Variants in DBP observed in about 807,000 individuals in gnomAD.
DBP encodes D site-binding protein.
A neutral mutation model predicts 21.4 loss-of-function variants in DBP; 12 were observed. The observed-to-expected ratio is 0.56, with a 90% CI of 0.36 to 0.91. The LOEUF (loss-of-function observed/expected upper bound fraction) is 0.91, where lower values mean the gene tolerates loss of function less well. Ranked by LOEUF, DBP falls within the 40% of genes least tolerant of loss-of-function variation. The probability of loss-of-function intolerance (pLI) is 0.01; values close to 1 mark genes in which losing one functional copy is unlikely to be tolerated. For synonymous variants in DBP, 213 were observed against 224.9 expected (o/e 0.95, Z 0.47); for missense variants, 423 against 473.4 (o/e 0.89, Z 0.99).
chr19:48,634,535 C>CCT (rs2030710148), intron 2 of DBP: 1 of 263,340 alleles, frequency 3.8e-6, no homozygotes, highest in Admixed American at 6.5e-5. Context: ...CCGGGGCCAG[C>CCT]TAAGGACACA....
At position 48,630,386 on chromosome 19, in the gene DBP, C is replaced by T; in HGVS notation, c.*451G>A. 1 of 1,377,304 alleles carries T rather than the reference C, an allele frequency of 7.3e-7. No homozygotes were observed. The highest frequency in any genetic ancestry group is 9.4e-7 in the Non-Finnish European group (1 of 1,067,054). The allele number at this position is 1,377,304 out of a possible 1,614,324, so 85.3% of individuals were successfully genotyped here. On this transcript the variant is annotated 3_prime_UTR_variant, in exon 4 of 4. Transcript: ENST00000222122. The surrounding 1 kb of genome is among the most constrained non-coding windows in gnomAD (Gnocchi z 4.9). Reference sequence around the variant, plus strand: ...ATTGAAAAGGTCTATGCAATAAAGGCAGTCGCTTCATTCCTCTCAGACCTT... The same window carrying T: ...ATTGAAAAGGTCTATGCAATAAAGGTAGTCGCTTCATTCCTCTCAGACCTT...
chr19:48,634,087 C>G (rs2030694874), intron 2 of DBP: 1 of 177,310 alleles, frequency 5.6e-6, no homozygotes, highest in African/African-American at 2.4e-5. Context: ...GCCCGGACAA[C>G]AGAGCGAGAC....
chr19:48,634,643 C>A, intron 2 of DBP: 2 of 973,906 alleles, frequency 2.1e-6, no homozygotes, highest in Non-Finnish European at 2.4e-6. Flanking sequence ...CGGCCCCGCC[C>A]CCCTCGCGCT....
rs1446301517 is a variant in DBP, at chr19:48,635,847, G to C, written c.283C>G (p.Pro95Ala). Reference sequence around the variant, plus strand: ...AGTGGCGCCAACAGACCCGGGGCGGGCACCGGCCCCGGGCGCCCCCGCGGG... The same window carrying C: ...AGTGGCGCCAACAGACCCGGGGCGGCCACCGGCCCCGGGCGCCCCCGCGGG... Reference protein sequence around the residue: ...GSPRGRPGPVPAPGLLAPLLW... With the variant: ...GSPRGRPGPVAAPGLLAPLLW... The change falls in exon 2 of 4, where the codon CCC (proline) becomes GCC (alanine). Residue 95 changes from proline (P) to alanine (A), a missense_variant. Physicochemically the swap from Pro to Ala is conservative, Grantham distance 27 (BLOSUM62 -1). This residue lies in a region of DBP where 283 missense variants were observed against 273.7 expected (regional missense o/e 1.03). Transcript: ENST00000222122. 5.7e-6 allele frequency: 8 copies of C among 1,401,780 alleles called. No individual in the cohort carries two copies. Among genetic ancestry groups the C allele is most frequent in the Non-Finnish European group, 7.3e-6 (8 of 1,089,596 alleles). 86.8% of individuals were successfully genotyped at this position (1,401,780 alleles called of 1,614,324 possible).
At position 48,633,543 on chromosome 19, in the gene DBP, C is replaced by T. The variant is rs778092463; in HGVS notation, c.663G>A (p.Glu221=). 7.4e-6 allele frequency: 12 copies of T among 1,614,188 alleles called. No homozygotes were observed. The highest frequency in any genetic ancestry group is 1.0e-5 in the Non-Finnish European group (12 of 1,180,038). The change falls in exon 3 of 4, where the codon GAG becomes GAA. Residue 221 remains glutamate (E), a synonymous_variant. Coordinates refer to ENST00000222122, the MANE Select transcript of DBP (RefSeq NM_001352.5). ...DLALSSIPGH[E]TFDPRRHRFS... ...AGCGATGTCTTCGAGGGTCAAAGGT[C>T]TCGTGGCCAGGAATGCTTGATAGGG...
In DBP at chr19:48,635,910, C is replaced by T; in HGVS notation, c.220G>A (p.Ala74Thr). Residue 74 changes from alanine to threonine, a missense_variant, in exon 2 of 4, where the codon GCG (alanine) becomes ACG (threonine). Physicochemically the swap from Ala to Thr is moderately conservative, Grantham distance 58. This residue lies in a region of DBP where 283 missense variants were observed against 273.7 expected (regional missense o/e 1.03). Transcript: ENST00000222122. Reference protein sequence around the residue: ...PGPGLETAGPADAPAGAVVGG... With the variant: ...PGPGLETAGPTDAPAGAVVGG... ...ACCACTGCCCCAGCCGGGGCATCCG[C>T]CGGGCCCGCAGTCTCCAGGCCTGGC... 1 of 1,430,440 alleles carries T rather than the reference C, an allele frequency of 7.0e-7. No individual in the cohort carries two copies. Among genetic ancestry groups the T allele is most frequent in the Non-Finnish European group, 9.1e-7 (1 of 1,102,364 alleles). The allele number at this position is 1,430,440 out of a possible 1,614,324, so 88.6% of individuals were successfully genotyped here.
chr19:48,635,371 C>T lies in DBP; in HGVS notation c.550+209G>A. On this transcript the variant is annotated intron_variant, in intron 2 of 3. Coordinates refer to ENST00000222122, the MANE Select transcript of DBP (RefSeq NM_001352.5). ...GGCAGGCTTCCTGGAATTTAGGGTTCCAAGTCTCTCCTCCCCCATGGATCC... is the reference window on the plus strand; with the variant it reads ...GGCAGGCTTCCTGGAATTTAGGGTTTCAAGTCTCTCCTCCCCCATGGATCC... 4.3e-6 allele frequency: 6 copies of T among 1,387,066 alleles called. No homozygotes were observed. In the African/African-American group the frequency reaches 4.6e-5, roughly 11 times the overall value. The allele number at this position is 1,387,066 out of a possible 1,614,324, so 85.9% of individuals were successfully genotyped here.
Position 48,635,575 on chromosome 19 carries a change from C to CGCACCTGCGCGGTG in DBP, c.541_550+4dup. The CGCACCTGCGCGGTG allele has an allele frequency of 7.3e-7, 1 of 1,376,192 alleles. No homozygotes were observed. Among genetic ancestry groups the CGCACCTGCGCGGTG allele is most frequent in the Non-Finnish European group, 9.3e-7 (1 of 1,074,200 alleles). 85.2% of individuals were successfully genotyped at this position (1,376,192 alleles called of 1,614,324 possible). A position where few individuals can be genotyped will look rare whatever the true frequency, so the allele number is the denominator to read the frequency against. On this transcript the variant is annotated splice_donor_region_variant and intron_variant, in intron 2 of 3. Transcript: ENST00000222122. The stretch of plus-strand genomic sequence containing the variant: ...TCAGGACCCGCCCCGCCCCCTTCGC[C>CGCACCTGCGCGGTG]GCACCTGCGCGGTGGCCGCTGGCGG...
chr19:48,635,917 CG>C lies in DBP; in HGVS notation c.212del (p.Ala71GlyfsTer47). The C allele has an allele frequency of 6.9e-7, 1 of 1,445,704 alleles. No individual in the cohort carries two copies. The allele number at this position is 1,445,704 out of a possible 1,614,324, so 89.6% of individuals were successfully genotyped here. ...ATTPGPGLET[A>X]GPADAPAGAV... is the part of the protein sequence containing the mutation. ...CCCCAGCCGGGGCATCCGCCGGGCCCGCAGTCTCCAGGCCTGGCCCAGGGGT... is the reference window on the plus strand; with the variant it reads ...CCCCAGCCGGGGCATCCGCCGGGCCCCAGTCTCCAGGCCTGGCCCAGGGGT... On this transcript the variant is annotated frameshift_variant, in exon 2 of 4. Transcript: ENST00000222122. LOFTEE classifies it high-confidence loss of function.
At chr19:48,631,416 T>C (rs145917508) in intron 3 of DBP, 18 of 205,712 alleles carry the variant, frequency 8.8e-5, no homozygotes, top group African/African-American at 3.0e-4. Context: ...AGCACTGCCC[T>C]GCCCTGCACA....
At chr19:48,635,368 G>A (rs2030742546) in intron 2 of DBP, 2 of 1,381,848 alleles carry the variant, frequency 1.4e-6, no homozygotes, top group East Asian at 3.6e-5. Flanking sequence ...GGAATTTAGG[G>A]TTCCAAGTCT....
In DBP at chr19:48,635,623, G is replaced by A. The variant is rs1162806225; in HGVS notation, c.507C>T (p.Ala169=). 1.5e-6 allele frequency: 2 copies of A among 1,342,354 alleles called. No homozygotes were observed. Among genetic ancestry groups the A allele is most frequent in the Non-Finnish European group, 9.5e-7 (1 of 1,056,380 alleles). 83.2% of individuals were successfully genotyped at this position (1,342,354 alleles called of 1,614,324 possible). Residue 169 remains alanine, a synonymous_variant, in exon 2 of 4, where the codon GCC becomes GCT. Coordinates refer to ENST00000222122, the MANE Select transcript of DBP (RefSeq NM_001352.5). ...CGGTCCCGAGGGCAGCCCGGGCGGGGGCGTGCCCAGGAGAGGAGCGGGGGG... is the reference window on the plus strand; with the variant it reads ...CGGTCCCGAGGGCAGCCCGGGCGGGAGCGTGCCCAGGAGAGGAGCGGGGGG... The part of the protein sequence containing the change: ...SASPRSSPGH[A]PARAALGTAS...
intron 2 of DBP, chr19:48,635,312 C>G: frequency 7.9e-7 from 1 of 1,271,166 alleles, no homozygotes; most frequent in South Asian, 1.6e-5. Context: ...CGTTTGTCCC[C>G]AAGTCCCACA....
chr19:48,630,933 G>A lies in DBP; in HGVS notation c.882C>T (p.Asn294=). ...CCACAACTTCCTGCCGCAGCAGGGC[G>A]TTCTCCTTCTCCAGGAAGGCCGCCC... ...SVRAAFLEKE[N]ALLRQEVVAV... is the part of the protein sequence containing the mutation. Residue 294 remains asparagine, a synonymous_variant, in exon 4 of 4, where the codon AAC becomes AAT. Coordinates refer to ENST00000222122, the MANE Select transcript of DBP (RefSeq NM_001352.5). This position sits in a 1 kb window ranked among gnomAD's most constrained non-coding sequence, Gnocchi z 4.9. 1 of 1,611,978 alleles carries A rather than the reference G, an allele frequency of 6.2e-7. No individual in the cohort carries two copies. The highest frequency in any genetic ancestry group is 1.1e-5 in the South Asian group (1 of 90,696).
chr19:48,631,272 A>C (rs73944842), intron 3 of DBP: 8,241 of 576,954 alleles, frequency 0.014, 390 homozygotes, highest in African/African-American at 0.11. Flanking sequence ...ACTCGCTTCA[A>C]GTCTCCACTC....
chr19:48,634,225 T>G (rs1047716895), intron 2 of DBP: 3 of 158,946 alleles, frequency 1.9e-5, no homozygotes, highest in Non-Finnish European at 4.2e-5. Flanking sequence ...TTGCCCTAGG[T>G]AACACACGAA....
At position 48,630,385 on chromosome 19, in the gene DBP, G is replaced by T; in HGVS notation, c.*452C>A. 1 of 1,375,402 alleles carries T rather than the reference G, an allele frequency of 7.3e-7. No individual in the cohort carries two copies. The highest frequency in any genetic ancestry group is 9.4e-7 in the Non-Finnish European group (1 of 1,065,968). 85.2% of individuals were successfully genotyped at this position (1,375,402 alleles called of 1,614,324 possible). On this transcript the variant is annotated 3_prime_UTR_variant, in exon 4 of 4. Coordinates refer to ENST00000222122, the MANE Select transcript of DBP (RefSeq NM_001352.5). This position sits in a 1 kb window ranked among gnomAD's most constrained non-coding sequence, Gnocchi z 4.9. The stretch of plus-strand genomic sequence containing the variant: ...AATTGAAAAGGTCTATGCAATAAAG[G>T]CAGTCGCTTCATTCCTCTCAGACCT...
chr19:48,635,640 A>T lies in DBP; in HGVS notation c.490T>A (p.Ser164Thr). The change falls in exon 2 of 4, where the codon TCC becomes ACC. Residue 164 changes from serine to threonine, a missense_variant. By Grantham distance (58) the Ser-to-Thr change is moderately conservative. Coordinates refer to ENST00000222122, the MANE Select transcript of DBP (RefSeq NM_001352.5). ...CGGGCGGGGGCGTGCCCAGGAGAGG[A>T]GCGGGGGGAAGCCGAGCCGCACGAA... ...PGSCGSASPR[S>T]SPGHAPARAA... 2.3e-6 allele frequency: 3 copies of T among 1,319,008 alleles called. No individual in the cohort carries two copies. The highest frequency in any genetic ancestry group is 2.9e-6 in the Non-Finnish European group (3 of 1,041,660). 81.7% of individuals were successfully genotyped at this position (1,319,008 alleles called of 1,614,324 possible). A position where few individuals can be genotyped will look rare whatever the true frequency, so the allele number is the denominator to read the frequency against.
Position 48,631,002 on chromosome 19 carries a change from C to G in DBP, c.813G>C (p.Arg271=). 6.2e-7 allele frequency: 1 copy of G among 1,613,854 alleles called. No individual in the cohort carries two copies. The highest frequency in any genetic ancestry group is 1.3e-5 in the African/African-American group (1 of 75,056). Residue 271 remains arginine (R), a synonymous_variant, in exon 4 of 4, where the codon CGG becomes CGC. Transcript: ENST00000222122. ...RRYKNNEAAK[R]SRDARRLKEN... The stretch of plus-strand genomic sequence containing the variant: ...CCTTGAGCCGCCGGGCGTCACGGGA[C>G]CGCTTGGCTGCCTCGTTGTTCTTGT...
Sources: allele counts gnomAD v4.1 joint callset, GRCh38; gene constraint gnomAD v4.1.1; regional missense constraint gnomAD v4.1.1; non-coding constraint Gnocchi (gnomAD v3.1); transcripts MANE v1.5; gene names NCBI Gene and HGNC (gene_info 2026-07-23, HGNC 2026-07-21).